WDR49: variants seen among roughly 807,000 people sequenced by gnomAD.
WDR49 encodes cilia- and flagella-associated protein 337.
WDR49 carries 107 observed loss-of-function variants against 119.5 expected under a neutral mutation model. The ratio of observed to expected loss-of-function variants is 0.90; its 90% CI spans 0.77 to 1.05. WDR49 has a LOEUF of 1.05. Ranked by LOEUF, WDR49 falls within the 50% of genes least tolerant of loss-of-function variation. The pLI, the probability that WDR49 is intolerant of heterozygous loss-of-function variation, is 0.00. For missense variants in WDR49, 1,240 were observed against 1,220.5 expected, an observed-to-expected ratio of 1.02 and a Z score of -0.24; for synonymous variants, 425 against 418.8, an observed-to-expected ratio of 1.01 and a Z score of -0.18.
At chr3:167,499,876 C>A (rs1312500848) in intron 18 of WDR49, among the ~76,000 whole-genome samples, 1 of 152,204 alleles carries the variant, frequency 6.6e-6, no homozygotes, top group East Asian at 1.9e-4. Flanking sequence ...GAGAGATTCT[C>A]ATCCACGGAA....
Position 167,536,992 on chromosome 3 carries a change from G to A in WDR49, c.1832C>T (p.Thr611Ile). The change falls in exon 11 of 19, where the codon ACT becomes ATT. Residue 611 changes from threonine (T) to isoleucine (I), a missense_variant. Transcript: ENST00000682715. ...ASWKTIGRAI[T>I]VFRPQNFNQF... ...ATTGAAGTTTTGGGGTCGAAACACAGTAATAGCCCTAGCAAAAAGGATATA... is the reference window on the plus strand; with the variant it reads ...ATTGAAGTTTTGGGGTCGAAACACAATAATAGCCCTAGCAAAAAGGATATA... The A allele has an allele frequency of 2.5e-6, 4 of 1,577,838 alleles. No homozygotes were observed. The highest frequency in any genetic ancestry group is 2.6e-6 in the Non-Finnish European group (3 of 1,163,862).
At chr3:167,531,822 T>A (rs562967564) in intron 12 of WDR49, among the ~76,000 whole-genome samples, 42 of 152,274 alleles carry the variant, frequency 2.8e-4, no homozygotes, top group African/African-American at 9.1e-4. Flanking sequence ...TCTCAGAATC[T>A]AGGAACAGTC....
chr3:167,586,012 C>T (rs1354062250), intron 7 of WDR49, among the ~76,000 whole-genome samples: 1 of 151,994 alleles, frequency 6.6e-6, no homozygotes, highest in Non-Finnish European at 1.5e-5. Flanking sequence ...GGATGGGGAA[C>T]AGTGTGGAAA....
At chr3:167,563,353 C>CAAAAAAAAAAAAAAAAAAAAAAAAAA (rs61247447) in intron 8 of WDR49, among the ~76,000 whole-genome samples, 1 of 55,854 alleles carries the variant, frequency 1.8e-5, no homozygotes, top group Non-Finnish European at 3.5e-5. Flanking sequence ...GATTCTGAAT[C>CAAAAAAAAAAAAAAAAAAAAAAAAAA]AAAAAAAAAA....
intron 8 of WDR49, among the ~76,000 whole-genome samples, chr3:167,562,725 A>C (rs541142473): frequency 6.6e-6 from 1 of 152,334 alleles, no homozygotes; most frequent in Admixed American, 6.5e-5. Context: ...CTAAGTTTGA[A>C]TGTCAGCTGC....
At chr3:167,552,562 G>T (rs1379299603) in intron 10 of WDR49, among the ~76,000 whole-genome samples, 2 of 151,978 alleles carry the variant, frequency 1.3e-5, no homozygotes, top group African/African-American at 4.8e-5. Flanking sequence ...AAGAGAAAAA[G>T]CACGTTTTGG....
chr3:167,604,986 A>G (rs1715979150), intron 5 of WDR49, among the ~76,000 whole-genome samples: 1 of 151,360 alleles, frequency 6.6e-6, no homozygotes, highest in South Asian at 2.1e-4. Flanking sequence ...TAGTTTTACT[A>G]TTTTGGTATA....
chr3:167,557,357 T>C (rs530496949), intron 9 of WDR49, among the ~76,000 whole-genome samples: 1 of 152,304 alleles, frequency 6.6e-6, no homozygotes, highest in Admixed American at 6.5e-5. Context: ...ATGACATATT[T>C]TCAAGCATAT....
intron 5 of WDR49, among the ~76,000 whole-genome samples, chr3:167,608,227 G>A (rs1716156131): frequency 6.6e-6 from 1 of 152,058 alleles, no homozygotes; most frequent in Non-Finnish European, 1.5e-5. Flanking sequence ...CTCTCAGTAA[G>A]GCAATATTAT....
chr3:167,524,797 T>G (rs1345310613), intron 15 of WDR49, among the ~76,000 whole-genome samples: 1 of 152,178 alleles, frequency 6.6e-6, no homozygotes, highest in Non-Finnish European at 1.5e-5. Flanking sequence ...CATGCTGTTT[T>G]GGTTACTGTA....
Position 167,570,778 on chromosome 3 carries a change from C to A in WDR49, c.1509+5140G>T, listed in dbSNP as rs144476281. Reference sequence around the variant, plus strand: ...TAAGGCCGGATGCAGTGGCTCACGCCTGCAATCCCAGCACTTTGGGAAGCC... The same window carrying A: ...TAAGGCCGGATGCAGTGGCTCACGCATGCAATCCCAGCACTTTGGGAAGCC... On this transcript the variant is annotated intron_variant, in intron 8 of 18. Transcript: ENST00000682715. Among the ~76,000 whole-genome samples, 1,386 of 152,290 alleles carry A rather than the reference C, an allele frequency of 9.1e-3. 22 individuals carry two copies. Among genetic ancestry groups the A allele is most frequent in the African/African-American group, 0.032 (1,326 of 41,552 alleles).
intron 15 of WDR49, among the ~76,000 whole-genome samples, chr3:167,526,601 G>A (rs1752639114): frequency 1.3e-5 from 2 of 152,104 alleles, no homozygotes; most frequent in African/African-American, 4.8e-5. Context: ...ACTGAGAAAA[G>A]TCTAGTGCTT....
At chr3:167,584,206 A>G (rs1714694409) in intron 7 of WDR49, among the ~76,000 whole-genome samples, 1 of 152,152 alleles carries the variant, frequency 6.6e-6, no homozygotes, top group Non-Finnish European at 1.5e-5. Context: ...AACAACCTCA[A>G]GAAAGTCAAG....
intron 16 of WDR49, among the ~76,000 whole-genome samples, chr3:167,517,688 C>T (rs558244372): frequency 6.0e-5 from 9 of 150,278 alleles, no homozygotes; most frequent in South Asian, 2.1e-4. Flanking sequence ...TTTTTTTTTC[C>T]GTTTTTAACC....
chr3:167,481,712 T>TA (rs1486956617), intron 18 of WDR49, among the ~76,000 whole-genome samples: 1 of 152,110 alleles, frequency 6.6e-6, no homozygotes, highest in Non-Finnish European at 1.5e-5. Context: ...AAGCACTTCT[T>TA]ACATGGCAGC....
intron 2 of WDR49, among the ~76,000 whole-genome samples, chr3:167,648,418 G>T (rs1311946597): frequency 1.3e-5 from 2 of 152,152 alleles, no homozygotes; most frequent in East Asian, 1.9e-4. Flanking sequence ...GCAGATTATT[G>T]TCCCAGAAAA....
Position 167,531,209 on chromosome 3 carries a change from G to A in WDR49, c.2124C>T (p.Thr708=). The change falls in exon 13 of 19, where the codon ACC becomes ACT. Residue 708 remains threonine, a synonymous_variant. Transcript: ENST00000682715. The part of the protein sequence containing the change: ...QPSHPMADHS[T]TGVRNFEIDT... ...CAATCTCAAAGTTGCGGACTCCCGT[G>A]GTAGAATGGTCTGCCATGGGGTGGG... is the stretch of plus-strand genomic sequence containing the variant. 2 of 1,611,746 alleles carry A rather than the reference G, an allele frequency of 1.2e-6. No homozygotes were observed. Among genetic ancestry groups the A allele is most frequent in the East Asian group, 2.2e-5 (1 of 44,854 alleles).
At chr3:167,541,349 T>C (rs1477462022) in intron 10 of WDR49, among the ~76,000 whole-genome samples, 2 of 152,270 alleles carry the variant, frequency 1.3e-5, no homozygotes, top group Non-Finnish European at 2.9e-5. Context: ...TAACAGTAGA[T>C]TTCTCAGCAG....
rs1394698488 is a variant in WDR49, at chr3:167,566,807, T to C, written c.1510-6579A>G. 4 of 623,850 alleles carry C rather than the reference T, an allele frequency of 6.4e-6. No homozygotes were observed. The East Asian group carries it at 1.1e-4, about 18-fold the overall frequency. 38.6% of individuals were successfully genotyped at this position (623,850 alleles called of 1,614,324 possible). ...AAAGAAAATGTTATTAAGAAAATTA[T>C]AAGAAAGAGAAAATATACTTACTAT... On this transcript the variant is annotated intron_variant, in intron 8 of 18. Coordinates refer to ENST00000682715, the MANE Select transcript of WDR49 (RefSeq NM_001366157.1).
Sources: gnomAD v4.1 joint callset for allele counts (sites outside exome capture counted in the v4.1 genomes callset) on GRCh38, gnomAD v4.1.1 for gene constraint, MANE v1.5 for transcripts, NCBI Gene and HGNC (gene_info 2026-07-23, HGNC 2026-07-21) for gene names.